Variants in ACSM1 observed in about 807,000 individuals in gnomAD.
ACSM1 encodes the protein acyl-coenzyme A synthetase ACSM1, mitochondrial.
In ACSM1, 79 loss-of-function variants were observed where a neutral mutation model predicts 75.8. The observed-to-expected ratio is 1.04, with a 90% CI of 0.87 to 1.26. The LOEUF is 1.26. ACSM1 is among the 50% of genes most tolerant of loss of function. The probability of loss-of-function intolerance (pLI) is 0.00; values close to 1 mark genes in which losing one functional copy is unlikely to be tolerated. For synonymous variants in ACSM1, 279 were observed against 265.8 expected (o/e 1.05, Z -0.48); for missense variants, 676 against 720.1 (o/e 0.94, Z 0.70).
At chr16:20,647,362 G>A (rs1348223455) in intron 7 of ACSM1, among the ~76,000 whole-genome samples, 3 of 152,180 alleles carry the variant, frequency 2.0e-5, no homozygotes, top group Non-Finnish European at 4.4e-5. Context: ...ATGCTTAATG[G>A]ACCAATGCGT....
intron 12 of ACSM1, 73 bp downstream of exon 12, chr16:20,625,350 G>T: frequency 1.4e-6 from 2 of 1,457,380 alleles, no homozygotes; most frequent in Non-Finnish European, 9.5e-7. Context: ...CACAGGTAAA[G>T]CCTGGATGTT....
At chr16:20,682,194 A>T in intron 4 of ACSM1, 62 bp downstream of exon 4, 1 of 1,545,726 alleles carries the variant, frequency 6.5e-7, no homozygotes, top group Non-Finnish European at 8.9e-7. Flanking sequence ...GGTCTCTCTG[A>T]TTCCTAAATT....
intron 6 of ACSM1, among the ~76,000 whole-genome samples, chr16:20,667,201 C>T (rs1411542943): frequency 1.3e-5 from 2 of 152,078 alleles, no homozygotes; most frequent in African/African-American, 4.8e-5. Flanking sequence ...CATCTGACAA[C>T]ATCCAGAATC....
chr16:20,627,190 C>T lies in ACSM1; in HGVS notation c.1426G>A (p.Gly476Arg), dbSNP rs749961150. 6.4e-7 allele frequency: 1 copy of T among 1,550,600 alleles called. No homozygotes were observed. The highest frequency in any genetic ancestry group is 2.6e-5 in the East Asian group (1 of 39,072). ...CAGCCCAGCATCAGCCACACCTACC[C>T]AGAGGCATTAATGATGTCATCACTC... ...GRSDDIINASGYRIGPAEVES... is the reference protein window; with the variant it reads ...GRSDDIINASRYRIGPAEVES... Residue 476 changes from glycine (G) to arginine (R), a missense_variant and splice_region_variant, in exon 11 of 14, where the codon GGG becomes AGG. By Grantham distance (125) the Gly-to-Arg change is moderately radical. Transcript: ENST00000520010.
chr16:20,682,330 G>A lies in ACSM1; in HGVS notation c.537C>T (p.Cys179=), dbSNP rs575305554. 1.2e-4 allele frequency: 199 copies of A among 1,613,894 alleles called. No homozygotes were observed. The highest frequency in any genetic ancestry group is 2.7e-4 in the Admixed American group (16 of 59,988). The change falls in exon 4 of 14, where the codon TGC becomes TGT. Residue 179 remains cysteine (C), a synonymous_variant. Transcript: ENST00000520010. Reference sequence around the variant, plus strand: ...CCAGGAGCTTGGTTTTCAGAGAGGGGCACTGAGAAGCTATGGAGTCCACCT... The same window carrying A: ...CCAGGAGCTTGGTTTTCAGAGAGGGACACTGAGAAGCTATGGAGTCCACCT... The part of the protein sequence containing the change: ...ASEVDSIASQ[C]PSLKTKLLVS...
At chr16:20,671,802 C>CA in intron 4 of ACSM1, 131 bp from the exon 5 acceptor site, 1 of 1,036,162 alleles carries the variant, frequency 9.7e-7, no homozygotes. Flanking sequence ...ACTGGCTCTC[C>CA]CGGAGTTAGG....
chr16:20,682,766 C>T (rs2079473506), intron 3 of ACSM1, among the ~76,000 whole-genome samples: 1 of 152,212 alleles, frequency 6.6e-6, no homozygotes, highest in Admixed American at 6.5e-5. Context: ...GCTTTACACA[C>T]ATTTACACAG....
At chr16:20,625,329 C>T in intron 12 of ACSM1, 94 bp downstream of exon 12, 2 of 1,250,184 alleles carry the variant, frequency 1.6e-6, no homozygotes. Flanking sequence ...TATGCCCTTC[C>T]ACCAAGGCTG....
At chr16:20,658,923 T>C (rs2019147968) in intron 7 of ACSM1, among the ~76,000 whole-genome samples, 1 of 152,196 alleles carries the variant, frequency 6.6e-6, no homozygotes, top group Non-Finnish European at 1.5e-5. Flanking sequence ...GTGAGTCTGA[T>C]CAAAGAATAT....
intron 7 of ACSM1, among the ~76,000 whole-genome samples, chr16:20,650,638 C>G (rs1002489117): frequency 4.0e-5 from 6 of 150,820 alleles, no homozygotes; most frequent in Non-Finnish European, 7.4e-5. Context: ...CACAAAAGCC[C>G]TAGGCTACAG....
In ACSM1 at chr16:20,650,869, T is replaced by C. The variant is rs570936892; in HGVS notation, c.993-10285A>G. Among the ~76,000 whole-genome samples, 14 of 152,214 alleles carry C rather than the reference T, an allele frequency of 9.2e-5. No homozygotes were observed. In the South Asian group the frequency reaches 2.3e-3, roughly 25 times the overall value. Reference sequence around the variant, plus strand: ...GTCGACCTGCAGACTATAGAGTACATAGCTTCTATTTTCTTGTCTGCCTGC... The same window carrying C: ...GTCGACCTGCAGACTATAGAGTACACAGCTTCTATTTTCTTGTCTGCCTGC... On this transcript the variant is annotated intron_variant, in intron 7 of 13. Coordinates refer to ENST00000520010, the MANE Select transcript of ACSM1 (RefSeq NM_001318890.3).
chr16:20,663,863 T>C (rs2019424283), intron 6 of ACSM1, among the ~76,000 whole-genome samples: 2 of 152,190 alleles, frequency 1.3e-5, no homozygotes, highest in African/African-American at 4.8e-5. Flanking sequence ...AGTAGGCTTC[T>C]GTTACTGGCA....
At chr16:20,696,038 A>G (rs1414796808) in intron 1 of ACSM1, among the ~76,000 whole-genome samples, 1 of 152,230 alleles carries the variant, frequency 6.6e-6, no homozygotes, top group Non-Finnish European at 1.5e-5. Flanking sequence ...ATACACAAGT[A>G]CTTACCATCG....
At chr16:20,635,705 T>A (rs1324708496) in intron 10 of ACSM1, among the ~76,000 whole-genome samples, 1 of 151,642 alleles carries the variant, frequency 6.6e-6, no homozygotes, top group Non-Finnish European at 1.5e-5. Context: ...AGTGGTGCGA[T>A]CTTGGTTCAC....
intron 1 of ACSM1, among the ~76,000 whole-genome samples, chr16:20,695,640 GTCTA>G (rs554129897): frequency 1.8e-3 from 265 of 150,388 alleles, no homozygotes; most frequent in African/African-American, 3.8e-3. Flanking sequence ...TGTATCTATC[GTCTA>G]TCTATCTACC....
chr16:20,684,316 G>T (rs961943597), intron 3 of ACSM1, among the ~76,000 whole-genome samples: 1 of 152,102 alleles, frequency 6.6e-6, no homozygotes, highest in Non-Finnish European at 1.5e-5. Context: ...TCACACAATC[G>T]CTTAAGGATC....
At chr16:20,670,050 C>T in intron 5 of ACSM1, 64 bp from the exon 6 acceptor site, 1 of 1,558,542 alleles carries the variant, frequency 6.4e-7, no homozygotes, top group Non-Finnish European at 8.8e-7. Context: ...GGGCTGTGCA[C>T]TCTGGTTTTT....
chr16:20,625,562 G>A (rs768377705), intron 11 of ACSM1, 40 bp from the exon 12 acceptor site: 1 of 1,569,628 alleles, frequency 6.4e-7, no homozygotes, highest in South Asian at 1.1e-5. Context: ...CCAGGGCTGG[G>A]GTGAACCAAG....
At chr16:20,634,591 C>T (rs1433081713) in intron 10 of ACSM1, among the ~76,000 whole-genome samples, 5 of 152,124 alleles carry the variant, frequency 3.3e-5, no homozygotes, top group East Asian at 1.9e-4. Flanking sequence ...ATAAGCCAAA[C>T]GCAAAAGGGC....
Sources: gnomAD v4.1 joint callset for allele counts (sites outside exome capture counted in the v4.1 genomes callset) on GRCh38, gnomAD v4.1.1 for gene constraint, MANE v1.5 for transcripts, NCBI Gene and HGNC (gene_info 2026-07-23, HGNC 2026-07-21) for gene names.